SPACDR: variants seen among roughly 807,000 people sequenced by gnomAD.
SPACDR encodes sperm acrosome developmental regulator.
the SPACDR span, among the ~76,000 whole-genome samples, chr7:100,461,712 G>A: frequency 1.1e-4 from 17 of 152,024 alleles, no homozygotes; most frequent in East Asian, 2.3e-3. Flanking sequence ...TTGCCTGGCC[G>A]GGCGCAGTGG....
chr7:100,461,872 A>T, the SPACDR span, among the ~76,000 whole-genome samples: 1 of 151,372 alleles, frequency 6.6e-6, no homozygotes, highest in Non-Finnish European at 1.5e-5. Context: ...GGGTGCCTGT[A>T]GTCCGAGCTA....
the SPACDR span, among the ~76,000 whole-genome samples, chr7:100,458,930 A>G: frequency 6.6e-6 from 1 of 152,108 alleles, no homozygotes; most frequent in Non-Finnish European, 1.5e-5. Flanking sequence ...TCCGTCTCAA[A>G]ACAAAACAAA....
chr7:100,458,658 G>T, the SPACDR span, among the ~76,000 whole-genome samples: 2 of 152,166 alleles, frequency 1.3e-5, 1 homozygote, highest in Middle Eastern at 6.3e-3. Context: ...GGGCCCAGTG[G>T]CTCATGCCTA....
the SPACDR span, among the ~76,000 whole-genome samples, chr7:100,457,799 A>ATGTGTGTGTGTGTGTGTGTG: frequency 1.7e-4 from 8 of 45,804 alleles, no homozygotes; most frequent in Admixed American, 3.2e-4. Context: ...TTTTATATAT[A>ATGTGTGTGTGTGTGTGTGTG]TATATGTGTG....
the SPACDR span, among the ~76,000 whole-genome samples, chr7:100,457,930 T>C: frequency 6.8e-6 from 1 of 147,130 alleles, no homozygotes; most frequent in East Asian, 2.1e-4. Flanking sequence ...GTGATCCACC[T>C]GCCTCAGCCT....
chr7:100,463,862 C>T, the SPACDR span: 1 of 1,407,972 alleles, frequency 7.1e-7, no homozygotes, highest in Non-Finnish European at 9.9e-7. Flanking sequence ...TCTTGTTTGG[C>T]CACAGGCCAG....
chr7:100,463,372 G>A, the SPACDR span: 2 of 1,592,568 alleles, frequency 1.3e-6, no homozygotes, highest in Non-Finnish European at 1.7e-6. Flanking sequence ...CCTTCCAGCT[G>A]CACATCTGCC....
chr7:100,459,893 A>AT, the SPACDR span, among the ~76,000 whole-genome samples: 108 of 141,364 alleles, frequency 7.6e-4, no homozygotes, highest in Middle Eastern at 3.7e-3. Context: ...CCACATTTAG[A>AT]TTTTTTTTTT....
chr7:100,460,964 T>C, the SPACDR span, among the ~76,000 whole-genome samples: 1 of 152,274 alleles, frequency 6.6e-6, no homozygotes, highest in African/African-American at 2.4e-5. Context: ...CTCCCATTGC[T>C]CTAAGGGTCC....
the SPACDR span, among the ~76,000 whole-genome samples, chr7:100,460,284 G>T: frequency 1.4e-5 from 2 of 147,524 alleles, no homozygotes; most frequent in Admixed American, 1.4e-4. Context: ...TGCGTGGTTA[G>T]TTTTATAAGA....
At chr7:100,459,001 CTTT>C in the SPACDR span, among the ~76,000 whole-genome samples, 6 of 135,276 alleles carry the variant, frequency 4.4e-5, no homozygotes, top group Non-Finnish European at 4.7e-5. Flanking sequence ...TCCTTTTTAC[CTTT>C]TTTTTTTTTT....
the SPACDR span, chr7:100,464,067 C>G: frequency 4.1e-6 from 2 of 486,554 alleles, no homozygotes; most frequent in Middle Eastern, 3.7e-4. Context: ...GCAGAGCTAG[C>G]ATTTGGTACG....
chr7:100,456,924 G>A, the SPACDR span: 5 of 1,613,530 alleles, frequency 3.1e-6, no homozygotes, highest in South Asian at 1.1e-5. Flanking sequence ...CTCAGCCTCC[G>A]GAGTCTTCAA....
chr7:100,458,597 T>C, the SPACDR span, among the ~76,000 whole-genome samples: 26,667 of 152,084 alleles, frequency 0.18, 2,463 homozygotes, highest in Non-Finnish European at 0.2. Flanking sequence ...TCATTCAGAA[T>C]ATAACCTTTT....
the SPACDR span, among the ~76,000 whole-genome samples, chr7:100,461,941 C>T: frequency 8.4e-4 from 124 of 147,786 alleles, no homozygotes; most frequent in Non-Finnish European, 3.7e-4. Flanking sequence ...TGCAGCGAAC[C>T]GAGATCCCGC....
At chr7:100,457,803 A>ATATGTGTGTGTGTGTG in the SPACDR span, among the ~76,000 whole-genome samples, 43 of 72,586 alleles carry the variant, frequency 5.9e-4, 1 homozygote, top group South Asian at 5.4e-3. Flanking sequence ...ATATATATAT[A>ATATGTGTGTGTGTGTG]TGTGTGTGTG....
chr7:100,458,648 G>A, the SPACDR span, among the ~76,000 whole-genome samples: 9 of 152,232 alleles, frequency 5.9e-5, no homozygotes, highest in Admixed American at 2.0e-4. Context: ...CCTTGAGGCC[G>A]GGCCCAGTGG....
chr7:100,460,124 T>C, the SPACDR span, among the ~76,000 whole-genome samples: 1 of 151,342 alleles, frequency 6.6e-6, no homozygotes, highest in Non-Finnish European at 1.5e-5. Context: ...CTCCTGACCT[T>C]GTGATCCACC....
chr7:100,458,088 C>T, the SPACDR span, among the ~76,000 whole-genome samples: 1 of 151,668 alleles, frequency 6.6e-6, no homozygotes, highest in Non-Finnish European at 1.5e-5. Flanking sequence ...GAGTTCACCT[C>T]ATAGGAAAAT....
Sources: allele counts gnomAD v4.1 joint callset (sites outside exome capture counted in the v4.1 genomes callset), GRCh38; gene constraint gnomAD v4.1.1; transcripts MANE v1.5; gene names NCBI Gene and HGNC (gene_info 2026-07-23, HGNC 2026-07-21).